ACBD3: variants seen among roughly 807,000 people sequenced by gnomAD.
The protein encoded by ACBD3 is Golgi resident protein GCP60.
Under a neutral mutation model 66.9 loss-of-function variants are expected in ACBD3, and 30 were observed. That is an observed-to-expected ratio of 0.45 (90% confidence interval 0.34 to 0.61). The LOEUF (loss-of-function observed/expected upper bound fraction) is 0.61, where lower values mean the gene tolerates loss of function less well. ACBD3 is among the 20% of genes least tolerant of loss of function. ACBD3 has a pLI of 0.02. For missense variants in ACBD3, 544 were observed against 664.5 expected, an observed-to-expected ratio of 0.82 and a Z score of 1.99; for synonymous variants, 278 against 259.8, an observed-to-expected ratio of 1.07 and a Z score of -0.68.
At position 226,161,615 on chromosome 1, in the gene ACBD3, C is replaced by T; in HGVS notation, c.644G>A (p.Arg215Lys). The change falls in exon 4 of 8, where the codon AGG becomes AAG. Residue 215 changes from arginine to lysine, a missense_variant. Around this residue, in one of 3 missense-constraint regions of ACBD3, gnomAD observed 383 missense variants for 462.4 expected, o/e 0.83. Transcript: ENST00000366812. ...ERLQKEEEKR[R>K]REEEERLRRE... ...TCGAAGCCTTTCCTCTTCTTCTCTCCTACGTTTCTCTTCCTCCTTTTGCAG... is the reference window on the plus strand; with the variant it reads ...TCGAAGCCTTTCCTCTTCTTCTCTCTTACGTTTCTCTTCCTCCTTTTGCAG... The T allele has an allele frequency of 6.2e-7, 1 of 1,613,812 alleles. No homozygotes were observed. Among genetic ancestry groups the T allele is most frequent in the South Asian group, 1.1e-5 (1 of 91,052 alleles).
intron 3 of ACBD3, among the ~76,000 whole-genome samples, chr1:226,163,799 T>C (rs1416921194): frequency 2.6e-5 from 4 of 152,164 alleles, no homozygotes; most frequent in Non-Finnish European, 5.9e-5. Flanking sequence ...CAGGTTAAGG[T>C]AGGAAACCAG....
intron 7 of ACBD3, 105 bp from the exon 8 acceptor site, chr1:226,146,926 C>G (rs1659465850): frequency 8.7e-7 from 1 of 1,154,706 alleles, no homozygotes; most frequent in African/African-American, 1.5e-5. Flanking sequence ...GAGTCTTGCT[C>G]TGTCACCCAG....
chr1:226,167,921 TAA>T (rs1264804792), intron 1 of ACBD3, among the ~76,000 whole-genome samples: 4 of 152,260 alleles, frequency 2.6e-5, no homozygotes, highest in South Asian at 4.1e-4. Context: ...AGATAACATC[TAA>T]AGTTATTAAG....
In ACBD3 at chr1:226,184,805, CTTT is replaced by C. The variant is rs76440532; in HGVS notation, c.286+1582_286+1584del. On this transcript the variant is annotated intron_variant, in intron 1 of 7. Transcript: ENST00000366812. ...CTCTGCCTCCCATATTGAAGCGATT[CTTT>C]TTTTTTTTTTAGACGGAGTTTTGCT... Among the ~76,000 whole-genome samples the C allele has an allele frequency of 4.2e-5, 6 of 142,160 alleles. No homozygotes were observed. The South Asian group carries it at 1.3e-3, about 32-fold the overall frequency. The allele number at this position is 142,160 out of a possible 152,430, so 93.3% of individuals were successfully genotyped here. A position where few individuals can be genotyped will look rare whatever the true frequency, so the allele number is the denominator to read the frequency against.
At chr1:226,161,429 A>AT (rs1659771447) in intron 4 of ACBD3, 102 bp downstream of exon 4, 12 of 1,530,960 alleles carry the variant, frequency 7.8e-6, no homozygotes, top group African/African-American at 1.4e-5. Context: ...AAGTGCTGGG[A>AT]TTACAGGCGT....
At position 226,164,939 on chromosome 1, in the gene ACBD3, A is replaced by G. The variant is rs1311327051; in HGVS notation, c.429-10T>C. ...GGCTGCCCATTCTCTCCTGTAAGGA[A>G]TAACAAGAAAAGTTACCTCCCCTTC... is the stretch of plus-strand genomic sequence containing the variant. On this transcript the variant is annotated splice_polypyrimidine_tract_variant and intron_variant, in intron 2 of 7. Coordinates refer to ENST00000366812, the MANE Select transcript of ACBD3 (RefSeq NM_022735.4). The G allele has an allele frequency of 2.0e-6, 3 of 1,537,306 alleles. No individual in the cohort carries two copies. The highest frequency in any genetic ancestry group is 2.6e-6 in the Non-Finnish European group (3 of 1,143,978).
At chr1:226,158,006 G>T (rs985551458) in intron 5 of ACBD3, among the ~76,000 whole-genome samples, 1 of 152,206 alleles carries the variant, frequency 6.6e-6, no homozygotes, top group Non-Finnish European at 1.5e-5. Context: ...TGAAACTAAA[G>T]TAGAAACAGG....
chr1:226,165,158 G>GT (rs1266781153), intron 2 of ACBD3, among the ~76,000 whole-genome samples: 2 of 151,774 alleles, frequency 1.3e-5, no homozygotes, highest in Non-Finnish European at 2.9e-5. Context: ...TAGCAAAAGA[G>GT]TATCAATTTT....
chr1:226,148,532 T>C (rs568578450), intron 7 of ACBD3, among the ~76,000 whole-genome samples: 2 of 152,342 alleles, frequency 1.3e-5, no homozygotes, highest in South Asian at 2.1e-4. Context: ...GACTGGTCCA[T>C]TGATTCAAGA....
chr1:226,163,121 C>A (rs1008996127), intron 3 of ACBD3, among the ~76,000 whole-genome samples: 1 of 152,214 alleles, frequency 6.6e-6, no homozygotes, highest in East Asian at 1.9e-4. Context: ...CCGGCCATGA[C>A]CTACTTTTAA....
chr1:226,167,195 T>C (rs1201698126), intron 1 of ACBD3, among the ~76,000 whole-genome samples: 5 of 152,200 alleles, frequency 3.3e-5, no homozygotes, highest in South Asian at 2.1e-4. Flanking sequence ...AACATGATCA[T>C]GCATAGAAGA....
At position 226,146,491 on chromosome 1, in the gene ACBD3, T is replaced by A; in HGVS notation, c.*119A>T. 4.9e-6 allele frequency: 4 copies of A among 820,930 alleles called. No homozygotes were observed. Among genetic ancestry groups the A allele is most frequent in the Middle Eastern group, 3.7e-4 (1 of 2,686 alleles). 50.9% of individuals were successfully genotyped at this position (820,930 alleles called of 1,614,324 possible). ...ATTCCCAGCAAGAGTTCACAAACCA[T>A]CAGACCAATATCAATAAGGTAAACT... On this transcript the variant is annotated 3_prime_UTR_variant, in exon 8 of 8. Coordinates refer to ENST00000366812, the MANE Select transcript of ACBD3 (RefSeq NM_022735.4).
intron 1 of ACBD3, among the ~76,000 whole-genome samples, chr1:226,177,474 G>GT (rs1358634565): frequency 6.6e-6 from 1 of 151,170 alleles, no homozygotes; most frequent in Non-Finnish European, 1.5e-5. Flanking sequence ...GGGATTACAG[G>GT]TATGAGCCAC....
chr1:226,147,393 T>A (rs1659476724), intron 7 of ACBD3, among the ~76,000 whole-genome samples: 1 of 152,206 alleles, frequency 6.6e-6, no homozygotes, highest in Admixed American at 6.5e-5. Context: ...GTGGTCAGCA[T>A]CCTATCTCTT....
chr1:226,180,480 GA>G (rs1261349528), intron 1 of ACBD3, among the ~76,000 whole-genome samples: 1 of 152,136 alleles, frequency 6.6e-6, no homozygotes, highest in Non-Finnish European at 1.5e-5. Context: ...GCAGAGCAAG[GA>G]AAACACACCC....
chr1:226,167,798 T>C lies in ACBD3; in HGVS notation c.287-1798A>G, dbSNP rs561577424. 1.5e-4 allele frequency among the ~76,000 whole-genome samples: 23 copies of C among 152,204 alleles called. No individual in the cohort carries two copies. In the East Asian group the frequency reaches 3.1e-3, roughly 20 times the overall value. On this transcript the variant is annotated intron_variant, in intron 1 of 7. Coordinates refer to ENST00000366812, the MANE Select transcript of ACBD3 (RefSeq NM_022735.4). ...CAGGAAACTCAGAGAAGAAAAAATA[T>C]AGAAGCTGCCAATAAACATCCAAAA...
rs190510127 is a variant in ACBD3 at position 226,151,904 on chromosome 1, G to A, written c.1375+431C>T. Among the ~76,000 whole-genome samples, 509 of 152,174 alleles carry A rather than the reference G, an allele frequency of 3.3e-3. 3 individuals are homozygous for A. Among genetic ancestry groups the A allele is most frequent in the African/African-American group, 0.012 (492 of 41,502 alleles). On this transcript the variant is annotated intron_variant, in intron 7 of 7. Transcript: ENST00000366812. ...TGCCTGTAATCCCAGCTACTCAGGAGGCTGAGGCAGGAGAATCGCTTGAAC... is the reference window on the plus strand; with the variant it reads ...TGCCTGTAATCCCAGCTACTCAGGAAGCTGAGGCAGGAGAATCGCTTGAAC...
intron 1 of ACBD3, among the ~76,000 whole-genome samples, chr1:226,185,458 A>C (rs1369635046): frequency 6.6e-6 from 1 of 152,174 alleles, no homozygotes; most frequent in Admixed American, 6.6e-5. Context: ...GGAACCTAGC[A>C]ACCACTTTTA....
At chr1:226,154,371 C>A (rs886766880) in intron 6 of ACBD3, among the ~76,000 whole-genome samples, 1 of 151,798 alleles carries the variant, frequency 6.6e-6, no homozygotes, top group African/African-American at 2.4e-5. Context: ...CTGCGCCCAG[C>A]CTGTAATTTG....
Sources: gnomAD v4.1 joint callset for allele counts (sites outside exome capture counted in the v4.1 genomes callset) on GRCh38, gnomAD v4.1.1 for gene constraint, gnomAD v4.1.1 regional missense constraint, MANE v1.5 for transcripts, NCBI Gene and HGNC (gene_info 2026-07-23, HGNC 2026-07-21) for gene names.